The following ZNF486 variants were observed in gnomAD, a reference collection of about 807,000 sequenced individuals.
ZNF486 encodes the protein KRAB box only protein 2.
Under a neutral mutation model 12.8 loss-of-function variants are expected in ZNF486, and 12 were observed. The ratio of observed to expected loss-of-function variants is 0.94; its 90% confidence interval spans 0.60 to 1.52. The LOEUF (loss-of-function observed/expected upper bound fraction) is 1.52. Ranked by LOEUF, ZNF486 falls within the 40% of genes most tolerant of loss-of-function variation. ZNF486 has a pLI of 0.00. For synonymous variants in ZNF486, 231 were observed against 184.9 expected (o/e 1.25, Z -2.02); for missense variants, 738 against 545.0 (o/e 1.35, Z -3.53).
In ZNF486 at chr19:20,197,849, G is replaced by T. The variant is rs367888897; in HGVS notation, c.1139G>T (p.Cys380Phe). 3.1e-6 allele frequency: 5 copies of T among 1,613,244 alleles called. No individual in the cohort carries two copies. The highest frequency in any genetic ancestry group is 4.2e-6 in the Non-Finnish European group (5 of 1,179,922). ...CATACTGGAGAGAAACCATACAAAT[G>T]TGAAGAATGTGGCAAAGCCTTTACA... is the stretch of plus-strand genomic sequence containing the variant. Reference protein sequence around the residue: ...IIHTGEKPYKCEECGKAFTWS... With the variant: ...IIHTGEKPYKFEECGKAFTWS... The change falls in exon 4 of 4, where the codon TGT becomes TTT. Residue 380 changes from cysteine (C) to phenylalanine (F), a missense_variant. By Grantham distance (205) the Cys-to-Phe change is radical. Transcript: ENST00000335117.
At chr19:20,195,803 C>G (rs2089952598) in intron 3 of ZNF486, among the ~76,000 whole-genome samples, 1 of 152,136 alleles carries the variant, frequency 6.6e-6, no homozygotes, top group Non-Finnish European at 1.5e-5. Context: ...CCTGCTACAC[C>G]CATTCCCTGT....
At chr19:20,182,890 A>AGAG (rs566335140) in intron 1 of ZNF486, among the ~76,000 whole-genome samples, 2 of 152,104 alleles carry the variant, frequency 1.3e-5, no homozygotes, top group Non-Finnish European at 2.9e-5. Context: ...AAGGAATTCC[A>AGAG]GAGGAGGAGG....
intron 1 of ZNF486, among the ~76,000 whole-genome samples, chr19:20,181,348 G>A (rs540142826): frequency 4.9e-4 from 75 of 152,168 alleles, no homozygotes; most frequent in Non-Finnish European, 7.5e-4. Flanking sequence ...GACCATCCTG[G>A]CTAACACGGT....
rs781968530 is a variant in ZNF486, at chr19:20,169,888, G to GTTT, written c.30+2548_30+2550dup. On this transcript the variant is annotated intron_variant, in intron 1 of 3. Coordinates refer to ENST00000335117, the MANE Select transcript of ZNF486 (RefSeq NM_052852.4). ...GAAGGGACATAAGATGGGGTTGTAT[G>GTTT]TTTTTTTTTTTTTTTTTTTTTTGAG... Among the ~76,000 whole-genome samples, 997 of 108,886 alleles carry GTTT rather than the reference G, an allele frequency of 9.2e-3. 49 individuals carry two copies. Among genetic ancestry groups the GTTT allele is most frequent in the African/African-American group, 0.035 (920 of 26,006 alleles). The allele number at this position is 108,886 out of a possible 152,430, so 71.4% of individuals were successfully genotyped here. A position where few individuals can be genotyped will look rare whatever the true frequency, so the allele number is the denominator to read the frequency against.
At chr19:20,183,719 T>TA (rs1201221155) in intron 1 of ZNF486, among the ~76,000 whole-genome samples, 1 of 152,156 alleles carries the variant, frequency 6.6e-6, no homozygotes, top group African/African-American at 2.4e-5. Context: ...ATGCAGCTGA[T>TA]ATGCATAAAC....
chr19:20,193,701 T>TTA (rs1454738778), intron 3 of ZNF486, among the ~76,000 whole-genome samples: 1 of 152,056 alleles, frequency 6.6e-6, no homozygotes, highest in Non-Finnish European at 1.5e-5. Flanking sequence ...GGAAAGATGA[T>TTA]TATATATATA....
At chr19:20,188,589 G>A (rs868939632) in intron 3 of ZNF486, 11 of 396,950 alleles carry the variant, frequency 2.8e-5, no homozygotes, top group African/African-American at 1.4e-4. Flanking sequence ...GAGATGGAGG[G>A]GGAGTCAAAA....
At chr19:20,181,585 C>G (rs782552596) in intron 1 of ZNF486, among the ~76,000 whole-genome samples, 5 of 150,828 alleles carry the variant, frequency 3.3e-5, no homozygotes, top group Non-Finnish European at 7.4e-5. Flanking sequence ...ATTTTAGGGT[C>G]TTAGTTTTTA....
intron 2 of ZNF486, among the ~76,000 whole-genome samples, chr19:20,185,003 C>T (rs1599708836): frequency 1.3e-5 from 2 of 152,144 alleles, no homozygotes; most frequent in Non-Finnish European, 2.9e-5. Context: ...CCCAGCTACT[C>T]CGGAGGCTGA....
At chr19:20,183,083 A>T (rs2089803799) in intron 1 of ZNF486, among the ~76,000 whole-genome samples, 1 of 152,158 alleles carries the variant, frequency 6.6e-6, no homozygotes, top group South Asian at 2.1e-4. Flanking sequence ...GTCTCTGAAA[A>T]ATATTTCTTT....
chr19:20,170,137 T>C (rs2089633255), intron 1 of ZNF486, among the ~76,000 whole-genome samples: 1 of 151,672 alleles, frequency 6.6e-6, no homozygotes, highest in Non-Finnish European at 1.5e-5. Flanking sequence ...GACCTTGTGA[T>C]CCGCCCGCCT....
chr19:20,198,064 CATA>C lies in ZNF486; in HGVS notation c.1356_1358del (p.His452_Lys453delinsGln). 6.2e-7 allele frequency: 1 copy of C among 1,606,978 alleles called. No homozygotes were observed. On this transcript the variant is annotated inframe_deletion, in exon 4 of 4. Transcript: ENST00000335117. ...TAACTGGTCCTCAGACCTTAATAAA[CATA>C]AGAGAATTCATATTGGACAGAAACC...
chr19:20,183,864 A>C (rs952933080), intron 1 of ZNF486, among the ~76,000 whole-genome samples: 2 of 152,146 alleles, frequency 1.3e-5, no homozygotes, highest in Non-Finnish European at 2.9e-5. Context: ...ACAAAATATC[A>C]TTTTTGGGAC....
At chr19:20,172,664 T>G (rs1330776438) in intron 1 of ZNF486, among the ~76,000 whole-genome samples, 7 of 143,642 alleles carry the variant, frequency 4.9e-5, no homozygotes, top group East Asian at 1.9e-4. Flanking sequence ...TTTTTTTTTT[T>G]TGTGAGATGG....
At chr19:20,173,672 A>T (rs2089673930) in intron 1 of ZNF486, among the ~76,000 whole-genome samples, 1 of 152,028 alleles carries the variant, frequency 6.6e-6, no homozygotes, top group South Asian at 2.1e-4. Context: ...TACTAAAAAT[A>T]CAAAAAAAAA....
rs1020277688 is a variant in ZNF486, at chr19:20,199,704, G to A, written c.*1602G>A. ...GCCTGGGCAATAAGAGTGAAACTCT[G>A]TCTCCAGGAAAAAAAAAAATTTATT... On this transcript the variant is annotated 3_prime_UTR_variant, in exon 4 of 4. Coordinates refer to ENST00000335117, the MANE Select transcript of ZNF486 (RefSeq NM_052852.4). 2 of 150,144 alleles carry A rather than the reference G, an allele frequency of 1.3e-5. No individual in the cohort carries two copies. Among genetic ancestry groups the A allele is most frequent in the Non-Finnish European group, 3.0e-5 (2 of 67,770 alleles). The allele number at this position is 150,144 out of a possible 1,614,324, so 9.3% of individuals were successfully genotyped here.
In ZNF486 at chr19:20,169,145, G is replaced by C. The variant is rs138128457; in HGVS notation, c.30+1785G>C. Among the ~76,000 whole-genome samples, 11 of 151,694 alleles carry C rather than the reference G, an allele frequency of 7.3e-5. No homozygotes were observed. In the East Asian group the frequency reaches 2.2e-3, roughly 30 times the overall value. On this transcript the variant is annotated intron_variant, in intron 1 of 3. Transcript: ENST00000335117. ...TTTTTTTATTTTGACATGGAGTTTA[G>C]CTCTTATTACCCAGTCTGGAGTGCA...
chr19:20,188,666 G>C (rs958041706), intron 3 of ZNF486: 2 of 388,910 alleles, frequency 5.1e-6, no homozygotes, highest in Non-Finnish European at 9.0e-6. Context: ...AAAAAAAGCT[G>C]TTCATTTCAG....
rs2089981820 is a variant in ZNF486 at position 20,198,305 on chromosome 19, G to A, written c.*203G>A. On this transcript the variant is annotated 3_prime_UTR_variant, in exon 4 of 4. Transcript: ENST00000335117. ...TTTAGTAGAGATGGGGTTTCTCCAT[G>A]TTGGTCAGGCTGGTCTCAATCTCCT... The A allele has an allele frequency of 3.7e-6, 2 of 539,010 alleles. No homozygotes were observed. Among genetic ancestry groups the A allele is most frequent in the South Asian group, 2.4e-5 (1 of 41,984 alleles). The allele number at this position is 539,010 out of a possible 1,614,324, so 33.4% of individuals were successfully genotyped here. A position where few individuals can be genotyped will look rare whatever the true frequency, so the allele number is the denominator to read the frequency against.
Sources: gnomAD v4.1 joint callset for allele counts (sites outside exome capture counted in the v4.1 genomes callset) on GRCh38, gnomAD v4.1.1 for gene constraint, MANE v1.5 for transcripts, NCBI Gene and HGNC (gene_info 2026-07-23, HGNC 2026-07-21) for gene names.